Variants in SORCS2 observed in about 807,000 individuals in gnomAD.
SORCS2 encodes the protein VPS10 domain-containing receptor SorCS2.
In SORCS2, 100 loss-of-function variants were observed where a neutral mutation model predicts 141.6. The ratio of observed to expected loss-of-function variants is 0.71; its 90% confidence interval spans 0.60 to 0.83. SORCS2 has a LOEUF of 0.83. Ranked by LOEUF, SORCS2 falls within the 40% of genes least tolerant of loss-of-function variation. The pLI is 0.00. For missense variants in SORCS2, 1,646 were observed against 1,560.2 expected, an observed-to-expected ratio of 1.05 and a Z score of -0.93; for synonymous variants, 789 against 676.9, an observed-to-expected ratio of 1.17 and a Z score of -2.57.
Position 7,276,955 on chromosome 4 carries a change from G to C in SORCS2, c.480+83829G>C, listed in dbSNP as rs144049628. Among the ~76,000 whole-genome samples, 229 of 152,310 alleles carry C rather than the reference G, an allele frequency of 1.5e-3. 1 individual carries two copies. Among genetic ancestry groups the C allele is most frequent in the Admixed American group, 4.2e-3 (65 of 15,308 alleles). On this transcript the variant is annotated intron_variant, in intron 1 of 26. Transcript: ENST00000507866. ...GAAGCCATGTGGCTCTGAATCTCATGACCAGTGGGCCGTTCTGTCCACACT... is the reference window on the plus strand; with the variant it reads ...GAAGCCATGTGGCTCTGAATCTCATCACCAGTGGGCCGTTCTGTCCACACT...
chr4:7,296,952 C>T (rs970367695), intron 1 of SORCS2, among the ~76,000 whole-genome samples: 44 of 152,302 alleles, frequency 2.9e-4, no homozygotes, highest in African/African-American at 9.9e-4. Context: ...AGGCCAGCTT[C>T]GTGCTCCTTC....
chr4:7,554,663 T>C lies in SORCS2; in HGVS notation c.648+23034T>C, dbSNP rs530480689. Among the ~76,000 whole-genome samples, 4 of 152,322 alleles carry C rather than the reference T, an allele frequency of 2.6e-5. No homozygotes were observed. In the South Asian group the frequency reaches 8.3e-4, roughly 32 times the overall value. ...TTGTGCTCAGGGCATCTTTGATGCC[T>C]GTCAGAGATGCATAAAGATTCTGCA... On this transcript the variant is annotated intron_variant, in intron 3 of 26. Transcript: ENST00000507866.
intron 3 of SORCS2, among the ~76,000 whole-genome samples, chr4:7,551,098 C>T (rs34289744): frequency 0.2 from 30,212 of 152,130 alleles, 3,454 homozygotes; most frequent in African/African-American, 0.31. Flanking sequence ...CTGCCTAGCC[C>T]ATTGATTGCT....
intron 18 of SORCS2, 120 bp from the exon 19 acceptor site, chr4:7,723,577 T>A: frequency 2.6e-6 from 3 of 1,157,338 alleles, no homozygotes; most frequent in South Asian, 2.6e-5. Flanking sequence ...AGCCCACTCA[T>A]GTCAAGGAAG....
intron 3 of SORCS2, among the ~76,000 whole-genome samples, chr4:7,597,130 A>G (rs1165438712): frequency 6.6e-6 from 1 of 151,768 alleles, no homozygotes; most frequent in Non-Finnish European, 1.5e-5. Context: ...GGCTATTGCA[A>G]TAGGGGAGGG....
At chr4:7,496,370 G>A (rs982788904) in intron 2 of SORCS2, among the ~76,000 whole-genome samples, 1 of 151,682 alleles carries the variant, frequency 6.6e-6, no homozygotes, top group Non-Finnish European at 1.5e-5. Context: ...AGGCCCTTGC[G>A]CTTCCTACCA....
intron 7 of SORCS2, among the ~76,000 whole-genome samples, chr4:7,665,798 G>T (rs1722466822): frequency 6.6e-6 from 1 of 152,324 alleles, no homozygotes; most frequent in Non-Finnish European, 1.5e-5. Context: ...AGCTCTCTGG[G>T]CAACCATCTC....
intron 1 of SORCS2, among the ~76,000 whole-genome samples, chr4:7,370,897 C>T (rs1175647317): frequency 6.6e-6 from 1 of 152,188 alleles, no homozygotes; most frequent in Non-Finnish European, 1.5e-5. Flanking sequence ...CCTCAATCCC[C>T]TAGGCAGCTG....
chr4:7,352,863 C>A (rs1416954556), intron 1 of SORCS2, among the ~76,000 whole-genome samples: 2 of 152,304 alleles, frequency 1.3e-5, no homozygotes, highest in East Asian at 1.9e-4. Flanking sequence ...GTGCGTATAA[C>A]TCTGACCCCC....
At chr4:7,207,378 C>T (rs926813822) in intron 1 of SORCS2, among the ~76,000 whole-genome samples, 1 of 152,228 alleles carries the variant, frequency 6.6e-6, no homozygotes, top group Admixed American at 6.5e-5. Flanking sequence ...ACGTGAGTCA[C>T]CGGGCTGCTC....
At chr4:7,610,621 G>A (rs962140534) in intron 3 of SORCS2, among the ~76,000 whole-genome samples, 6 of 152,202 alleles carry the variant, frequency 3.9e-5, no homozygotes, top group Non-Finnish European at 7.3e-5. Flanking sequence ...TAAAAATGCA[G>A]GCAGAGTGGT....
At chr4:7,604,500 G>A (rs1228497993) in intron 3 of SORCS2, among the ~76,000 whole-genome samples, 1 of 152,176 alleles carries the variant, frequency 6.6e-6, no homozygotes, top group Non-Finnish European at 1.5e-5. Context: ...TGTATTTTTA[G>A]TAGAGACGGG....
At chr4:7,610,229 CT>C (rs1718319259) in intron 3 of SORCS2, among the ~76,000 whole-genome samples, 1 of 152,186 alleles carries the variant, frequency 6.6e-6, no homozygotes, top group African/African-American at 2.4e-5. Flanking sequence ...TGGAGAGGGA[CT>C]TTGTGGGAGT....
intron 1 of SORCS2, among the ~76,000 whole-genome samples, chr4:7,368,493 C>T (rs533776356): frequency 1.3e-5 from 2 of 152,260 alleles, no homozygotes; most frequent in South Asian, 2.1e-4. Context: ...TCCACTGGGT[C>T]CCCCCAGCAG....
chr4:7,346,030 T>C (rs578043540), intron 1 of SORCS2, among the ~76,000 whole-genome samples: 1 of 152,338 alleles, frequency 6.6e-6, no homozygotes, highest in African/African-American at 2.4e-5. Context: ...TATTTTTCTG[T>C]GTAGTTTTTC....
At chr4:7,354,314 C>A (rs112015586) in intron 1 of SORCS2, among the ~76,000 whole-genome samples, 1 of 152,034 alleles carries the variant, frequency 6.6e-6, no homozygotes, top group African/African-American at 2.4e-5. Flanking sequence ...GCAAGAGGAC[C>A]TACCCAGCGC....
intron 2 of SORCS2, among the ~76,000 whole-genome samples, chr4:7,452,597 G>C (rs1728535823): frequency 1.3e-5 from 2 of 152,222 alleles, no homozygotes; most frequent in South Asian, 4.1e-4. Flanking sequence ...CTGACTCCTG[G>C]ACCAGAGGAT....
chr4:7,736,237 G>A (rs777120086), intron 25 of SORCS2, among the ~76,000 whole-genome samples: 50 of 152,330 alleles, frequency 3.3e-4, no homozygotes, highest in South Asian at 2.1e-4. Flanking sequence ...CTTGGCCCTC[G>A]TCTCTCAAGG....
chr4:7,216,938 C>G (rs563836957), intron 1 of SORCS2, among the ~76,000 whole-genome samples: 5 of 152,226 alleles, frequency 3.3e-5, no homozygotes, highest in African/African-American at 1.2e-4. Flanking sequence ...ATTCTCCGTC[C>G]GCACTGCGTG....
Sources: allele counts gnomAD v4.1 joint callset (sites outside exome capture counted in the v4.1 genomes callset), GRCh38; gene constraint gnomAD v4.1.1; transcripts MANE v1.5; gene names NCBI Gene and HGNC (gene_info 2026-07-23, HGNC 2026-07-21).